GAREM2: variants seen among roughly 807,000 people sequenced by gnomAD.
The protein encoded by GAREM2 is GRB2 associated regulator of MAPK1 subtype 2.
In GAREM2, 30 loss-of-function variants were observed where a neutral mutation model predicts 55.6. The observed-to-expected ratio is 0.54, with a 90% CI of 0.40 to 0.73. The LOEUF (loss-of-function observed/expected upper bound fraction) is 0.73. Ranked by LOEUF, GAREM2 falls within the 30% of genes least tolerant of loss-of-function variation. The pLI, the probability that GAREM2 is intolerant of heterozygous loss-of-function variation, is 0.00. For synonymous variants in GAREM2, 550 were observed against 569.1 expected, an observed-to-expected ratio of 0.97 and a Z score of 0.48; for missense variants, 1,075 against 1,257.7, an observed-to-expected ratio of 0.85 and a Z score of 2.20.
downstream of GAREM2, chr2:26,190,984 T>C (rs553328608): frequency 1.4e-5 from 8 of 556,734 alleles, no homozygotes; most frequent in Non-Finnish European, 2.6e-5. Context: ...TGGCTTCAGA[T>C]GGCTCTTGGC....
the GAREM2 span, among the ~76,000 whole-genome samples, chr2:26,201,952 G>A: frequency 3.7e-5 from 5 of 134,932 alleles, no homozygotes; most frequent in African/African-American, 8.7e-5. Flanking sequence ...CCACCACCAC[G>A]CCTGGCTAAT....
At chr2:26,183,665 T>C (rs559706715) in intron 3 of GAREM2, among the ~76,000 whole-genome samples, 46 of 152,336 alleles carry the variant, frequency 3.0e-4, no homozygotes, top group Non-Finnish European at 4.0e-4. Flanking sequence ...GAGGCTGCAC[T>C]GAGCTGTGAA....
chr2:26,195,321 G>T, the GAREM2 span: 7 of 1,118,954 alleles, frequency 6.3e-6, no homozygotes, highest in South Asian at 7.4e-5. Context: ...ACACTAGAAA[G>T]AAAGGTGGCT....
chr2:26,184,986 C>T lies in GAREM2; in HGVS notation c.1138C>T (p.Leu380Phe). The part of the protein sequence containing the change: ...EDCASPRRAR[L>F]CLPAPRAPGL... ...CTGCGCCAGCCCGCGCCGCGCGCGC[C>T]TCTGCCTGCCCGCGCCGCGCGCCCC... Residue 380 changes from leucine (L) to phenylalanine (F), a missense_variant, in exon 4 of 6, where the codon CTC becomes TTC. Around this residue, in one of 6 missense-constraint regions of GAREM2, gnomAD observed 515 missense variants for 501.5 expected, o/e 1.03. Transcript: ENST00000401533. 3 of 1,163,700 alleles carry T rather than the reference C, an allele frequency of 2.6e-6. No homozygotes were observed. Among genetic ancestry groups the T allele is most frequent in the Non-Finnish European group, 3.2e-6 (3 of 945,206 alleles). 72.1% of individuals were successfully genotyped at this position (1,163,700 alleles called of 1,614,324 possible).
chr2:26,179,935 G>A lies in GAREM2; in HGVS notation c.254-3032G>A, dbSNP rs1668989109. 6.6e-6 allele frequency among the ~76,000 whole-genome samples: 1 copy of A among 152,000 alleles called. No individual in the cohort carries two copies. The highest frequency in any genetic ancestry group is 2.1e-4 in the South Asian group (1 of 4,826). ...GGTTGGGGCAGGGGCGGGGGTGGGG[G>A]TTGTGTGTGGACTTGGGGGAGGAGG... On this transcript the variant is annotated intron_variant, in intron 2 of 5. Transcript: ENST00000401533. This position sits in a 1 kb window ranked among gnomAD's most constrained non-coding sequence, Gnocchi z 4.7.
the GAREM2 span, among the ~76,000 whole-genome samples, chr2:26,197,174 T>TA: frequency 6.6e-6 from 1 of 152,222 alleles, no homozygotes; most frequent in Admixed American, 6.5e-5. Flanking sequence ...TCCCCTTAAT[T>TA]ACTCTGGTTG....
At chr2:26,182,099 G>A (rs183942478) in intron 2 of GAREM2, 15 of 1,081,246 alleles carry the variant, frequency 1.4e-5, no homozygotes, top group African/African-American at 1.2e-4. Flanking sequence ...ATGCCAGGGC[G>A]GCTCAGAGCT....
chr2:26,196,547 C>T, the GAREM2 span, among the ~76,000 whole-genome samples: 1 of 152,168 alleles, frequency 6.6e-6, no homozygotes, highest in Non-Finnish European at 1.5e-5. Flanking sequence ...ACCAACTCAT[C>T]CTGGATGGCT....
rs1574595902 is a variant in GAREM2, at chr2:26,187,456, C to T, written c.1824C>T (p.Tyr608=). 5.2e-6 allele frequency: 8 copies of T among 1,548,560 alleles called. No homozygotes were observed. Among genetic ancestry groups the T allele is most frequent in the Non-Finnish European group, 7.0e-6 (8 of 1,145,558 alleles). Residue 608 remains tyrosine (Y), a synonymous_variant, in exon 6 of 6, where the codon TAC becomes TAT. Transcript: ENST00000401533. The stretch of plus-strand genomic sequence containing the variant: ...GGGCTGACACCCCTGTTAAGACCTA[C>T]CACAGCTGCCCTCCTCTATTCAAGC... ...LLGADTPVKT[Y]HSCPPLFKPS...
At chr2:26,191,772 G>T, downstream of GAREM2, 1 of 818,776 alleles carries the variant, frequency 1.2e-6, no homozygotes. Flanking sequence ...GATGCTGCCT[G>T]GGTGAACCAA....
chr2:26,176,537 A>G, intron 2 of GAREM2, 53 bp downstream of exon 2: 1 of 1,418,946 alleles, frequency 7.0e-7, no homozygotes, highest in Non-Finnish European at 9.3e-7. Flanking sequence ...TGTAGGCAGG[A>G]GGGACTGGGG....
chr2:26,187,488 A>G lies in GAREM2; in HGVS notation c.1856A>G (p.His619Arg). 6.5e-7 allele frequency: 1 copy of G among 1,547,026 alleles called. No individual in the cohort carries two copies. The highest frequency in any genetic ancestry group is 1.7e-4 in the Middle Eastern group (1 of 5,954). ...TGCCCTCCTCTATTCAAGCCCTCAC[A>G]TCCCCAGAAGCGCTTTGCTCCGTTT... ...HSCPPLFKPSHPQKRFAPFGA... is the reference protein window; with the variant it reads ...HSCPPLFKPSRPQKRFAPFGA... Residue 619 changes from histidine to arginine, a missense_variant, in exon 6 of 6, where the codon CAT becomes CGT. Coordinates refer to ENST00000401533, the MANE Select transcript of GAREM2 (RefSeq NM_001168241.2).
Position 26,187,596 on chromosome 2 carries a change from G to C in GAREM2, c.1964G>C (p.Gly655Ala), listed in dbSNP as rs1669322153. 6.5e-7 allele frequency: 1 copy of C among 1,549,350 alleles called. No individual in the cohort carries two copies. The highest frequency in any genetic ancestry group is 8.7e-7 in the Non-Finnish European group (1 of 1,145,918). ...ALSSGPRTTSGPVATSGPAYS... is the reference protein window; with the variant it reads ...ALSSGPRTTSAPVATSGPAYS... ...TCTTCTGGGCCCAGAACCACCTCGG[G>C]TCCTGTGGCTACCTCTGGCCCTGCG... The change falls in exon 6 of 6, where the codon GGT becomes GCT. Residue 655 changes from glycine (G) to alanine (A), a missense_variant. By Grantham distance (60) the Gly-to-Ala change is moderately conservative. Transcript: ENST00000401533.
chr2:26,195,795 C>T, the GAREM2 span, among the ~76,000 whole-genome samples: 81 of 152,270 alleles, frequency 5.3e-4, no homozygotes, highest in African/African-American at 1.5e-3. Context: ...CACCTGGGAG[C>T]GTTAGGCCTG....
chr2:26,186,867 C>T (rs1243201195), intron 5 of GAREM2, among the ~76,000 whole-genome samples: 2 of 152,152 alleles, frequency 1.3e-5, no homozygotes, highest in Non-Finnish European at 2.9e-5. Context: ...CCCAGCTACT[C>T]GGGAAGCTGA....
At position 26,187,588 on chromosome 2, in the gene GAREM2, C is replaced by T; in HGVS notation, c.1956C>T (p.Thr652=). ...PSAALSSGPR[T]TSGPVATSGP... ...CGGCCTTGTCTTCTGGGCCCAGAACCACCTCGGGTCCTGTGGCTACCTCTG... is the reference window on the plus strand; with the variant it reads ...CGGCCTTGTCTTCTGGGCCCAGAACTACCTCGGGTCCTGTGGCTACCTCTG... The change falls in exon 6 of 6, where the codon ACC becomes ACT. Residue 652 remains threonine (T), a synonymous_variant. Coordinates refer to ENST00000401533, the MANE Select transcript of GAREM2 (RefSeq NM_001168241.2). 1.3e-6 allele frequency: 2 copies of T among 1,549,004 alleles called. No homozygotes were observed. The highest frequency in any genetic ancestry group is 1.7e-6 in the Non-Finnish European group (2 of 1,145,594).
chr2:26,184,228 C>G lies in GAREM2; in HGVS notation c.385-5C>G. 6.5e-7 allele frequency: 1 copy of G among 1,549,550 alleles called. No individual in the cohort carries two copies. Among genetic ancestry groups the G allele is most frequent in the Non-Finnish European group, 8.7e-7 (1 of 1,145,798 alleles). Reference sequence around the variant, plus strand: ...AAGGCCCTGCCCTGTCTCTGGGATCCCCAGGTGGTGTCGGGCGAGTTCAGC... The same window carrying G: ...AAGGCCCTGCCCTGTCTCTGGGATCGCCAGGTGGTGTCGGGCGAGTTCAGC... On this transcript the variant is annotated splice_region_variant and splice_polypyrimidine_tract_variant and intron_variant, in intron 3 of 5. Transcript: ENST00000401533.
chr2:26,178,128 C>A (rs768216175), intron 2 of GAREM2, among the ~76,000 whole-genome samples: 1 of 152,152 alleles, frequency 6.6e-6, no homozygotes, highest in Non-Finnish European at 1.5e-5. Context: ...ACTCCACCCC[C>A]CAAACCCTTA....
At chr2:26,181,219 C>T in intron 2 of GAREM2, 1 of 825,762 alleles carries the variant, frequency 1.2e-6, no homozygotes, top group Non-Finnish European at 1.5e-6. Flanking sequence ...GCATTCAGAG[C>T]CTTTCAAATC....
Sources: allele counts gnomAD v4.1 joint callset (sites outside exome capture counted in the v4.1 genomes callset), GRCh38; gene constraint gnomAD v4.1.1; regional missense constraint gnomAD v4.1.1; non-coding constraint Gnocchi (gnomAD v3.1); transcripts MANE v1.5; gene names NCBI Gene and HGNC (gene_info 2026-07-23, HGNC 2026-07-21).